The following ATP8A2 variants were observed in gnomAD, a reference collection of about 807,000 sequenced individuals.
ATP8A2 encodes the protein phospholipid-transporting ATPase IB.
A neutral mutation model predicts 165.6 loss-of-function variants in ATP8A2; 100 were observed. That is an observed-to-expected ratio of 0.60 (90% CI 0.51 to 0.71). The LOEUF (loss-of-function observed/expected upper bound fraction) is 0.71, where lower values mean the gene tolerates loss of function less well. Among genes scored for constraint, ATP8A2 ranks in the 30% least tolerant of loss-of-function variants. ATP8A2 has a pLI of 0.00. For missense variants in ATP8A2, 1,227 were observed against 1,479.5 expected, an observed-to-expected ratio of 0.83 and a Z score of 2.80; for synonymous variants, 543 against 548.8, an observed-to-expected ratio of 0.99 and a Z score of 0.15.
intron 24 of ATP8A2, among the ~76,000 whole-genome samples, chr13:25,674,395 A>G (rs970337113): frequency 2.0e-5 from 3 of 152,196 alleles, no homozygotes; most frequent in Non-Finnish European, 4.4e-5. Context: ...TCAATAATAT[A>G]TCGTTTCCAT....
intron 1 of ATP8A2, among the ~76,000 whole-genome samples, chr13:25,423,384 A>C (rs1210621280): frequency 6.6e-6 from 1 of 152,236 alleles, no homozygotes; most frequent in African/African-American, 2.4e-5. Context: ...CTGCGTTAAT[A>C]AACTTTTAGG....
At chr13:25,973,095 T>C (rs968539176) in intron 35 of ATP8A2, among the ~76,000 whole-genome samples, 7 of 152,152 alleles carry the variant, frequency 4.6e-5, no homozygotes, top group Non-Finnish European at 8.8e-5. Context: ...ATATTCTCCA[T>C]TGTCAAGGGT....
chr13:25,391,874 T>A (rs1172913830), intron 1 of ATP8A2, among the ~76,000 whole-genome samples: 1 of 152,190 alleles, frequency 6.6e-6, no homozygotes, highest in African/African-American at 2.4e-5. Flanking sequence ...TACGTTTTCC[T>A]CATCAAGAAT....
intron 2 of ATP8A2, among the ~76,000 whole-genome samples, chr13:25,489,491 A>G (rs1023924796): frequency 1.3e-5 from 2 of 152,130 alleles, no homozygotes; most frequent in African/African-American, 4.8e-5. Context: ...GGAACTTAGC[A>G]TGCTGCACCA....
rs1288472793 is a variant in ATP8A2 at position 25,774,833 on chromosome 13, A to G, written c.2569-16A>G. The stretch of plus-strand genomic sequence containing the variant: ...AATGATGGGCTCTTCTGAGCTTTGT[A>G]ATTTTCCTTTTTCAGTTTTCCTACT... On this transcript the variant is annotated splice_polypyrimidine_tract_variant and intron_variant, in intron 26 of 36. Coordinates refer to ENST00000381655, the MANE Select transcript of ATP8A2 (RefSeq NM_016529.6). 4 of 1,494,412 alleles carry G rather than the reference A, an allele frequency of 2.7e-6. No homozygotes were observed. The highest frequency in any genetic ancestry group is 1.7e-5 in the Admixed American group (1 of 59,232). 92.6% of individuals were successfully genotyped at this position (1,494,412 alleles called of 1,614,324 possible). A position where few individuals can be genotyped will look rare whatever the true frequency, so the allele number is the denominator to read the frequency against.
At chr13:25,961,550 CAAGT>C (rs1350179471) in intron 33 of ATP8A2, 21 bp from the exon 34 acceptor site, 9 of 1,552,774 alleles carry the variant, frequency 5.8e-6, no homozygotes, top group Non-Finnish European at 7.1e-6. Context: ...AGTATTCAAG[CAAGT>C]GTCACTTCTA....
intron 24 of ATP8A2, among the ~76,000 whole-genome samples, chr13:25,631,937 C>T (rs542363563): frequency 3.3e-5 from 5 of 152,184 alleles, no homozygotes; most frequent in African/African-American, 1.2e-4. Context: ...CAATTTAACT[C>T]AGTTGGAGTT....
intron 25 of ATP8A2, among the ~76,000 whole-genome samples, chr13:25,709,516 A>G (rs1486036349): frequency 6.7e-6 from 1 of 150,080 alleles, no homozygotes; most frequent in Non-Finnish European, 1.5e-5. Flanking sequence ...ATGAATAGAT[A>G]CTGAGTTTTT....
rs55875449 is a variant in ATP8A2, at chr13:25,738,340, TCCCC to T, written c.2385-30698_2385-30695del. 8.3e-3 allele frequency among the ~76,000 whole-genome samples: 822 copies of T among 99,288 alleles called. 6 individuals carry two copies. The highest frequency in any genetic ancestry group is 0.012 in the African/African-American group (375 of 31,468). 65.1% of individuals were successfully genotyped at this position (99,288 alleles called of 152,430 possible). A position where few individuals can be genotyped will look rare whatever the true frequency, so the allele number is the denominator to read the frequency against. On this transcript the variant is annotated intron_variant, in intron 25 of 36. Coordinates refer to ENST00000381655, the MANE Select transcript of ATP8A2 (RefSeq NM_016529.6). ...TGCTTTTTTTCTTTTTGTGCCCCCC[TCCCC>T]CCCCCCCACACACACTTCTTCTGGT...
intron 25 of ATP8A2, among the ~76,000 whole-genome samples, chr13:25,742,561 T>C (rs2043936753): frequency 6.6e-6 from 1 of 152,046 alleles, no homozygotes; most frequent in Non-Finnish European, 1.5e-5. Context: ...TTGTCATTGT[T>C]TATATTTAAT....
chr13:25,598,624 T>A (rs752736866), intron 24 of ATP8A2, among the ~76,000 whole-genome samples: 1 of 152,156 alleles, frequency 6.6e-6, no homozygotes, highest in Non-Finnish European at 1.5e-5. Flanking sequence ...TTCTCTTCAT[T>A]GTATTTATGC....
chr13:25,416,448 A>G (rs1243804830), intron 1 of ATP8A2, among the ~76,000 whole-genome samples: 1 of 152,144 alleles, frequency 6.6e-6, no homozygotes, highest in Non-Finnish European at 1.5e-5. Context: ...CATTTAAAAT[A>G]AAATGTTATC....
intron 24 of ATP8A2, among the ~76,000 whole-genome samples, chr13:25,679,033 C>T (rs2042429705): frequency 6.6e-6 from 1 of 151,974 alleles, no homozygotes; most frequent in South Asian, 2.1e-4. Context: ...ATTAGGGAGA[C>T]AACAGAAATA....
chr13:25,386,470 T>C (rs527973912), intron 1 of ATP8A2, among the ~76,000 whole-genome samples: 1 of 152,326 alleles, frequency 6.6e-6, no homozygotes, highest in East Asian at 1.9e-4. Flanking sequence ...TGCTAAGCCA[T>C]GTGGTAGTCT....
At chr13:25,465,671 C>CTTTCTT (rs1555274845) in intron 1 of ATP8A2, among the ~76,000 whole-genome samples, 91 of 7,274 alleles carry the variant, frequency 0.013, 4 homozygotes, top group African/African-American at 0.03. Context: ...AGTTTTCTTT[C>CTTTCTT]TTTCTTTCTT....
intron 1 of ATP8A2, among the ~76,000 whole-genome samples, chr13:25,427,066 T>C (rs1268605205): frequency 1.3e-5 from 2 of 152,158 alleles, no homozygotes; most frequent in Non-Finnish European, 2.9e-5. Context: ...TGAGAGAGTA[T>C]GTGGGAACTC....
In ATP8A2 at chr13:25,551,473, G is replaced by T. The variant is rs1222492842; in HGVS notation, c.1027G>T (p.Gly343Cys). 6.2e-7 allele frequency: 1 copy of T among 1,612,634 alleles called. No individual in the cohort carries two copies. The highest frequency in any genetic ancestry group is 1.3e-5 in the African/African-American group (1 of 75,024). Residue 343 changes from glycine to cysteine, a missense_variant, in exon 11 of 37, where the codon GGT becomes TGT. Gly to Cys is a radical substitution (Grantham distance 159, BLOSUM62 -3). Coordinates refer to ENST00000381655, the MANE Select transcript of ATP8A2 (RefSeq NM_016529.6). ...GGCCCTGTACTGGAACAGGTCTCAT[G>T]GTGAAAAGAACTGGTACATCAAGAA... Reference protein sequence around the residue: ...AGALYWNRSHGEKNWYIKKMD... With the variant: ...AGALYWNRSHCEKNWYIKKMD...
chr13:25,722,641 A>G (rs182208687), intron 25 of ATP8A2, among the ~76,000 whole-genome samples: 2 of 146,766 alleles, frequency 1.4e-5, no homozygotes, highest in Non-Finnish European at 3.0e-5. Context: ...ACTTGGCACT[A>G]ATTCATTGCT....
chr13:25,552,761 C>T (rs889121775), intron 11 of ATP8A2, among the ~76,000 whole-genome samples: 3 of 152,040 alleles, frequency 2.0e-5, no homozygotes, highest in East Asian at 1.9e-4. Flanking sequence ...GAAAAGCAAC[C>T]AGCAGGAAAA....
Sources: allele counts gnomAD v4.1 joint callset (sites outside exome capture counted in the v4.1 genomes callset), GRCh38; gene constraint gnomAD v4.1.1; transcripts MANE v1.5; gene names NCBI Gene and HGNC (gene_info 2026-07-23, HGNC 2026-07-21).